AMOTL1: variants seen among roughly 807,000 people sequenced by gnomAD.
AMOTL1 encodes angiomotin-like protein 1.
A neutral mutation model predicts 102.9 loss-of-function variants in AMOTL1; 45 were observed. The ratio of observed to expected loss-of-function variants is 0.44; its 90% CI spans 0.34 to 0.56. The LOEUF (loss-of-function observed/expected upper bound fraction) is 0.56. Among genes scored for constraint, AMOTL1 ranks in the 20% least tolerant of loss-of-function variants. The pLI, the probability that AMOTL1 is intolerant of heterozygous loss-of-function variation, is 0.01. For missense variants in AMOTL1, 1,114 were observed against 1,225.6 expected, an observed-to-expected ratio of 0.91 and a Z score of 1.36; for synonymous variants, 481 against 484.7, an observed-to-expected ratio of 0.99 and a Z score of 0.10.
chr11:94,754,438 G>A (rs1219299373), intron 3 of AMOTL1, among the ~76,000 whole-genome samples: 1 of 152,196 alleles, frequency 6.6e-6, no homozygotes, highest in Non-Finnish European at 1.5e-5. Flanking sequence ...GATTTAGCAT[G>A]GGAACGCTCC....
intron 6 of AMOTL1, among the ~76,000 whole-genome samples, chr11:94,836,071 A>G (rs2135674505): frequency 6.6e-6 from 1 of 152,352 alleles, no homozygotes; most frequent in South Asian, 2.1e-4. Flanking sequence ...AGGAGACTAA[A>G]ATCATTTCCT....
intron 2 of AMOTL1, among the ~76,000 whole-genome samples, chr11:94,798,992 G>T (rs1015882517): frequency 2.0e-5 from 3 of 151,980 alleles, no homozygotes; most frequent in African/African-American, 7.3e-5. Context: ...TGAGATACAG[G>T]GTGGTAGTTA....
chr11:94,821,641 C>T lies in AMOTL1; in HGVS notation c.1233C>T (p.Leu411=), dbSNP rs1159004377. 7 of 1,613,926 alleles carry T rather than the reference C, an allele frequency of 4.3e-6. No homozygotes were observed. Among genetic ancestry groups the T allele is most frequent in the Non-Finnish European group, 5.9e-6 (7 of 1,179,880 alleles). The change falls in exon 4 of 13, where the codon CTC becomes CTT. Residue 411 remains leucine (L), a synonymous_variant. Coordinates refer to ENST00000433060, the MANE Select transcript of AMOTL1 (RefSeq NM_130847.3). ...ACTCTGTCTCCCTGCCGCTTCCACT[C>T]CCGATGGCCCTGGGTGCTCCACAGC... ...PLHSVSLPLP[L]PMALGAPQPP...
chr11:94,788,479 C>T (rs1006522701), intron 1 of AMOTL1, among the ~76,000 whole-genome samples: 2 of 152,216 alleles, frequency 1.3e-5, no homozygotes, highest in East Asian at 1.9e-4. Flanking sequence ...AGTGGATTAA[C>T]ATCCTCCTCA....
intron 3 of AMOTL1, among the ~76,000 whole-genome samples, chr11:94,751,352 A>G (rs1950651910): frequency 1.3e-5 from 2 of 151,842 alleles, no homozygotes; most frequent in African/African-American, 4.8e-5. Flanking sequence ...TGCCCTTTCC[A>G]TCCATTCATT....
rs185789414 is a variant in AMOTL1 at position 94,769,761 on chromosome 11, T to A, written c.49+1201T>A. Reference sequence around the variant, plus strand: ...TGGACCCAACATTTTGTCCCCATGGTCCCTCAGCTCCCTTTCTCTGTGAGG... The same window carrying A: ...TGGACCCAACATTTTGTCCCCATGGACCCTCAGCTCCCTTTCTCTGTGAGG... On this transcript the variant is annotated intron_variant, in intron 1 of 12. Coordinates refer to ENST00000433060, the MANE Select transcript of AMOTL1 (RefSeq NM_130847.3). Among the ~76,000 whole-genome samples the A allele has an allele frequency of 1.4e-4, 22 of 152,180 alleles. No individual in the cohort carries two copies. In the East Asian group the frequency reaches 3.9e-3, roughly 27 times the overall value.
At chr11:94,866,289 A>G in intron 11 of AMOTL1, 121 bp downstream of exon 11, 1 of 976,546 alleles carries the variant, frequency 1.0e-6, no homozygotes, top group Non-Finnish European at 1.5e-6. Context: ...TCATCTGTGA[A>G]GTGGGGAGGG....
intron 7 of AMOTL1, among the ~76,000 whole-genome samples, chr11:94,851,308 C>A (rs12790146): frequency 6.6e-6 from 1 of 152,164 alleles, no homozygotes; most frequent in Admixed American, 6.5e-5. Context: ...TAAGGAAAAT[C>A]ATGGTTTTTA....
At chr11:94,768,050 T>C (rs1181361045), upstream of AMOTL1, among the ~76,000 whole-genome samples, 2 of 152,244 alleles carry the variant, frequency 1.3e-5, no homozygotes, top group Admixed American at 1.3e-4. Context: ...GGCATTGGGC[T>C]GGTGGGGAAG....
intron 3 of AMOTL1, among the ~76,000 whole-genome samples, chr11:94,818,724 C>T (rs1326573809): frequency 6.6e-6 from 1 of 152,088 alleles, no homozygotes; most frequent in Non-Finnish European, 1.5e-5. Flanking sequence ...TAAAGTTTTT[C>T]CTGGCTACAC....
chr11:94,830,089 A>G lies in AMOTL1; in HGVS notation c.1453A>G (p.Ser485Gly). ...TCAGAGAATTTCGGAAGCCTATGAAAGTCTGGTCAAGTCTACCACCAAGCG... is the reference window on the plus strand; with the variant it reads ...TCAGAGAATTTCGGAAGCCTATGAAGGTCTGGTCAAGTCTACCACCAAGCG... ...ELQRISEAYE[S>G]LVKSTTKRES... The change falls in exon 5 of 13, where the codon AGT (serine) becomes GGT (glycine). Residue 485 changes from serine (S) to glycine (G), a missense_variant. Physicochemically the swap from Ser to Gly is moderately conservative, Grantham distance 56. Transcript: ENST00000433060. 1 of 1,607,836 alleles carries G rather than the reference A, an allele frequency of 6.2e-7. No individual in the cohort carries two copies. The highest frequency in any genetic ancestry group is 1.3e-5 in the African/African-American group (1 of 74,858).
Position 94,748,039 on chromosome 11 carries a change from C to T in AMOTL1, c.136+7051C>T, listed in dbSNP as rs376612996. Among the ~76,000 whole-genome samples, 28 of 152,254 alleles carry T rather than the reference C, an allele frequency of 1.8e-4. 1 individual carries two copies. The highest frequency in any genetic ancestry group is 5.8e-4 in the African/African-American group (24 of 41,552). Reference sequence around the variant, plus strand: ...GTGATCACTAGCTGACTATACCAGTCGTATTTCTCTTATTGCTCAAACCAT... The same window carrying T: ...GTGATCACTAGCTGACTATACCAGTTGTATTTCTCTTATTGCTCAAACCAT... On this transcript the variant is annotated intron_variant, in intron 3 of 4. Transcript: ENST00000299004.
chr11:94,741,089 G>A, intron 3 of AMOTL1: 1 of 1,008,378 alleles, frequency 9.9e-7, no homozygotes, highest in Non-Finnish European at 1.4e-6. Context: ...GATGGGGCTG[G>A]GGTTGGAGGG....
chr11:94,789,244 T>C (rs1485090003), intron 1 of AMOTL1, among the ~76,000 whole-genome samples: 1 of 152,140 alleles, frequency 6.6e-6, no homozygotes, highest in East Asian at 1.9e-4. Context: ...CTGCAACCTT[T>C]GCCTCCTGGG....
At chr11:94,750,707 A>G (rs1003000782) in intron 3 of AMOTL1, among the ~76,000 whole-genome samples, 11 of 152,180 alleles carry the variant, frequency 7.2e-5, no homozygotes, top group Non-Finnish European at 1.3e-4. Context: ...CTGAGAGCTA[A>G]CTTTTTCTCA....
At chr11:94,858,585 A>G (rs1196769934) in intron 8 of AMOTL1, among the ~76,000 whole-genome samples, 3 of 152,128 alleles carry the variant, frequency 2.0e-5, no homozygotes, top group African/African-American at 7.2e-5. Flanking sequence ...AAAATTTGCA[A>G]CCACTGGAAA....
At chr11:94,809,369 A>C (rs2135593022) in intron 3 of AMOTL1, among the ~76,000 whole-genome samples, 1 of 152,318 alleles carries the variant, frequency 6.6e-6, no homozygotes, top group East Asian at 1.9e-4. Context: ...GTTAGTGGCC[A>C]CTGTCTGGAC....
intron 3 of AMOTL1, among the ~76,000 whole-genome samples, chr11:94,748,746 T>C (rs1950617057): frequency 6.6e-6 from 1 of 152,228 alleles, no homozygotes; most frequent in African/African-American, 2.4e-5. Context: ...TTCTCTGTGC[T>C]CTGAAACACT....
At chr11:94,737,634 T>C (rs193101871) in intron 2 of AMOTL1, among the ~76,000 whole-genome samples, 1 of 152,352 alleles carries the variant, frequency 6.6e-6, no homozygotes, top group East Asian at 1.9e-4. Flanking sequence ...AGGCCTTCTA[T>C]AGGTCACCTC....
Sources: allele counts gnomAD v4.1 joint callset (sites outside exome capture counted in the v4.1 genomes callset), GRCh38; gene constraint gnomAD v4.1.1; transcripts MANE v1.5; gene names NCBI Gene and HGNC (gene_info 2026-07-23, HGNC 2026-07-21).